The following CHRM3 variants were observed in gnomAD, a reference collection of about 807,000 sequenced individuals.
CHRM3 encodes the protein cholinergic receptor muscarinic 3, also known as muscarinic acetylcholine receptor M3.
Under a neutral mutation model 41.8 loss-of-function variants are expected in CHRM3, and 11 were observed. That is an observed-to-expected ratio of 0.26 (90% CI 0.17 to 0.44). CHRM3 has a LOEUF of 0.44. CHRM3 is among the 20% of genes least tolerant of loss of function. The pLI, the probability that CHRM3 is intolerant of heterozygous loss-of-function variation, is 1.00. For synonymous variants in CHRM3, 297 were observed against 301.4 expected (o/e 0.99, Z 0.15); for missense variants, 571 against 745.4 (o/e 0.77, Z 2.72).
intron 6 of CHRM3, among the ~76,000 whole-genome samples, chr1:239,859,169 A>G (rs988798612): frequency 6.6e-6 from 1 of 152,166 alleles, no homozygotes; most frequent in African/African-American, 2.4e-5. Flanking sequence ...TAATTTATGG[A>G]CTGTTTTCTA....
At chr1:239,738,933 A>G (rs1664615228) in intron 5 of CHRM3, among the ~76,000 whole-genome samples, 1 of 152,190 alleles carries the variant, frequency 6.6e-6, no homozygotes, top group African/African-American at 2.4e-5. Flanking sequence ...GGCACAGTGC[A>G]TGCAATATCT....
At chr1:239,544,205 C>G (rs1659066491) in intron 2 of CHRM3, among the ~76,000 whole-genome samples, 1 of 152,068 alleles carries the variant, frequency 6.6e-6, no homozygotes. Flanking sequence ...CATCTCCAAT[C>G]CAGAGCAGCT....
intron 5 of CHRM3, among the ~76,000 whole-genome samples, chr1:239,702,264 C>CCCTAT (rs1160994923): frequency 6.6e-6 from 1 of 152,134 alleles, no homozygotes; most frequent in East Asian, 1.9e-4. Context: ...AACCTATACC[C>CCCTAT]AGTTATTCTA....
At chr1:239,618,737 G>A (rs1030243020) in intron 3 of CHRM3, among the ~76,000 whole-genome samples, 13 of 149,384 alleles carry the variant, frequency 8.7e-5, no homozygotes, top group Admixed American at 4.0e-4. Flanking sequence ...CCAGCTACTT[G>A]GGAGGCTGAG....
chr1:239,443,206 T>A (rs1663864137), intron 1 of CHRM3, among the ~76,000 whole-genome samples: 1 of 152,222 alleles, frequency 6.6e-6, no homozygotes, highest in South Asian at 2.1e-4. Flanking sequence ...TCATGTGTGA[T>A]TACAGTTTTT....
intron 3 of CHRM3, among the ~76,000 whole-genome samples, chr1:239,575,524 G>A (rs1468635016): frequency 6.6e-6 from 1 of 152,068 alleles, no homozygotes; most frequent in African/African-American, 2.4e-5. Flanking sequence ...ATTAATAGGG[G>A]TTCATGTTTT....
chr1:239,796,790 T>C (rs1669811870), intron 5 of CHRM3, among the ~76,000 whole-genome samples: 1 of 152,108 alleles, frequency 6.6e-6, no homozygotes. Context: ...AGTGTGTCCC[T>C]CACCCAAATA....
chr1:239,473,944 G>A (rs1666303407), intron 1 of CHRM3, among the ~76,000 whole-genome samples: 1 of 151,766 alleles, frequency 6.6e-6, no homozygotes, highest in Admixed American at 6.6e-5. Flanking sequence ...AACTGAGAAA[G>A]AAATGGTATT....
At chr1:239,708,602 T>C (rs1282072787) in intron 5 of CHRM3, among the ~76,000 whole-genome samples, 1 of 152,066 alleles carries the variant, frequency 6.6e-6, no homozygotes, top group African/African-American at 2.4e-5. Context: ...CATTCACAAA[T>C]GTTCATCCCA....
At chr1:239,557,779 T>G (rs1333249556) in intron 3 of CHRM3, among the ~76,000 whole-genome samples, 2 of 152,174 alleles carry the variant, frequency 1.3e-5, no homozygotes, top group African/African-American at 4.8e-5. Context: ...GGATAATGGC[T>G]TCCAGCTTCA....
chr1:239,806,594 C>T (rs1213866944), intron 5 of CHRM3, among the ~76,000 whole-genome samples: 1 of 152,168 alleles, frequency 6.6e-6, no homozygotes, highest in Non-Finnish European at 1.5e-5. Context: ...TTGCAAGTCA[C>T]GTGGCTGGGA....
intron 1 of CHRM3, among the ~76,000 whole-genome samples, chr1:239,436,466 A>G (rs918416188): frequency 1.3e-5 from 2 of 151,972 alleles, no homozygotes; most frequent in African/African-American, 2.4e-5. Context: ...CCTACCCCCA[A>G]GGGATTTTCT....
chr1:239,889,638 T>G (rs1199476923), intron 6 of CHRM3, among the ~76,000 whole-genome samples: 1 of 152,216 alleles, frequency 6.6e-6, no homozygotes, highest in Non-Finnish European at 1.5e-5. Context: ...AATAATTTCT[T>G]TCTACCTCCT....
intron 6 of CHRM3, among the ~76,000 whole-genome samples, chr1:239,833,434 A>T (rs1558163258): frequency 1.3e-5 from 2 of 152,152 alleles, no homozygotes; most frequent in Non-Finnish European, 2.9e-5. Context: ...CAACTCCTCC[A>T]GGTGGTGCCT....
At chr1:239,815,008 G>A (rs1260443911) in intron 5 of CHRM3, among the ~76,000 whole-genome samples, 4 of 152,008 alleles carry the variant, frequency 2.6e-5, no homozygotes, top group Non-Finnish European at 4.4e-5. Flanking sequence ...ACTCCTGACT[G>A]CAAGAGATTC....
intron 1 of CHRM3, among the ~76,000 whole-genome samples, chr1:239,472,756 GA>G (rs1666213095): frequency 6.6e-6 from 1 of 152,138 alleles, no homozygotes. Flanking sequence ...AGAGCAGTAA[GA>G]AAAATAGCTA....
chr1:239,596,075 A>T (rs1456426841), intron 3 of CHRM3, among the ~76,000 whole-genome samples: 1 of 152,210 alleles, frequency 6.6e-6, no homozygotes, highest in Non-Finnish European at 1.5e-5. Flanking sequence ...GAGCAATTTT[A>T]TACCTAACAT....
At chr1:239,513,286 T>C (rs543039525) in intron 2 of CHRM3, among the ~76,000 whole-genome samples, 2 of 152,312 alleles carry the variant, frequency 1.3e-5, no homozygotes, top group South Asian at 4.1e-4. Context: ...TTGTCTTTGT[T>C]TTTCAAAATA....
intron 3 of CHRM3, among the ~76,000 whole-genome samples, chr1:239,630,443 G>A (rs1476268064): frequency 6.6e-6 from 1 of 152,154 alleles, no homozygotes; most frequent in African/African-American, 2.4e-5. Flanking sequence ...ATGGTTAAAT[G>A]GAGTTAACTG....
Sources: gnomAD v4.1 joint callset for allele counts (sites outside exome capture counted in the v4.1 genomes callset) on GRCh38, gnomAD v4.1.1 for gene constraint, MANE v1.5 for transcripts, NCBI Gene and HGNC (gene_info 2026-07-23, HGNC 2026-07-21) for gene names.